Variants in SORCS3 observed in about 807,000 individuals in gnomAD.
SORCS3 encodes VPS10 domain-containing receptor SorCS3.
A neutral mutation model predicts 146.3 loss-of-function variants in SORCS3; 57 were observed. The ratio of observed to expected loss-of-function variants is 0.39; its 90% CI spans 0.31 to 0.49. The LOEUF is 0.49. SORCS3 is among the 20% of genes least tolerant of loss of function. The pLI is 0.92. For synonymous variants in SORCS3, 653 were observed against 618.5 expected, an observed-to-expected ratio of 1.06 and a Z score of -0.83; for missense variants, 1,341 against 1,575.5, an observed-to-expected ratio of 0.85 and a Z score of 2.52.
chr10:105,187,118 G>A (rs1234978867), intron 14 of SORCS3, among the ~76,000 whole-genome samples: 4 of 152,022 alleles, frequency 2.6e-5, no homozygotes, highest in Non-Finnish European at 4.4e-5. Context: ...TTTGGACTAG[G>A]ATGATTTATT....
chr10:105,128,217 C>A (rs11192329), intron 7 of SORCS3, among the ~76,000 whole-genome samples: 77,353 of 151,910 alleles, frequency 0.51, 19,977 homozygotes, highest in Admixed American at 0.55. Context: ...GAGGCATGAC[C>A]CGGAGAGCAT....
At chr10:104,991,533 GCT>G (rs1489144592) in intron 4 of SORCS3, among the ~76,000 whole-genome samples, 2 of 131,892 alleles carry the variant, frequency 1.5e-5, no homozygotes, top group Non-Finnish European at 3.1e-5. Flanking sequence ...ACAGAGTCTT[GCT>G]CTGTTGCCCA....
At chr10:105,199,039 T>C (rs2056559376) in intron 14 of SORCS3, among the ~76,000 whole-genome samples, 1 of 152,078 alleles carries the variant, frequency 6.6e-6, no homozygotes, top group Non-Finnish European at 1.5e-5. Context: ...GTATCTGAAC[T>C]TGGGCAGAGG....
At chr10:105,204,579 G>A (rs542071809) in intron 16 of SORCS3, among the ~76,000 whole-genome samples, 2 of 151,912 alleles carry the variant, frequency 1.3e-5, no homozygotes, top group Non-Finnish European at 2.9e-5. Context: ...TGTGGTGTAT[G>A]TTTGCATTTT....
chr10:105,252,161 C>A (rs964562727), intron 22 of SORCS3, among the ~76,000 whole-genome samples: 2 of 152,068 alleles, frequency 1.3e-5, no homozygotes, highest in African/African-American at 4.8e-5. Context: ...ACAAACTCAC[C>A]AAGTTACAGT....
intron 1 of SORCS3, among the ~76,000 whole-genome samples, chr10:104,792,219 A>C (rs2017503188): frequency 6.6e-6 from 1 of 152,122 alleles, no homozygotes; most frequent in Non-Finnish European, 1.5e-5. Context: ...AGGGCCTGGG[A>C]AAGACAGTTA....
intron 1 of SORCS3, among the ~76,000 whole-genome samples, chr10:104,733,012 G>A (rs200597615): frequency 1.4e-4 from 21 of 152,300 alleles, no homozygotes; most frequent in Non-Finnish European, 2.8e-4. Flanking sequence ...GGGGCAATCA[G>A]CTTACAGTAC....
At chr10:104,987,987 T>C (rs576626502) in intron 4 of SORCS3, among the ~76,000 whole-genome samples, 49 of 152,324 alleles carry the variant, frequency 3.2e-4, no homozygotes, top group Middle Eastern at 3.4e-3. Flanking sequence ...GAAATAGAGA[T>C]ACATGTCCTG....
intron 2 of SORCS3, among the ~76,000 whole-genome samples, chr10:104,890,151 T>C (rs1279007896): frequency 6.6e-6 from 1 of 152,178 alleles, no homozygotes; most frequent in Admixed American, 6.5e-5. Context: ...GTTTTATTCA[T>C]GATTCTTGTG....
intron 1 of SORCS3, among the ~76,000 whole-genome samples, chr10:104,797,431 G>C (rs1282972289): frequency 6.6e-6 from 1 of 151,950 alleles, no homozygotes; most frequent in Non-Finnish European, 1.5e-5. Flanking sequence ...AAGCCAAGCT[G>C]TTTGCTCAGC....
chr10:105,147,572 A>G (rs752209114), intron 8 of SORCS3, 45 bp from the exon 9 acceptor site: 1 of 1,535,964 alleles, frequency 6.5e-7, no homozygotes, highest in Non-Finnish European at 8.9e-7. Flanking sequence ...ATGGGCAGAG[A>G]GATATGGAGA....
intron 13 of SORCS3, among the ~76,000 whole-genome samples, chr10:105,168,127 G>T (rs1017172769): frequency 1.3e-5 from 2 of 152,224 alleles, no homozygotes; most frequent in African/African-American, 4.8e-5. Flanking sequence ...ATTTTTGTCA[G>T]AGTAGAATTG....
At chr10:105,112,499 A>G (rs933216451) in intron 7 of SORCS3, among the ~76,000 whole-genome samples, 1 of 152,178 alleles carries the variant, frequency 6.6e-6, no homozygotes, top group Non-Finnish European at 1.5e-5. Flanking sequence ...CCACAGACCA[A>G]CAGAGTAGCT....
chr10:105,025,707 G>A (rs180949467), intron 4 of SORCS3, among the ~76,000 whole-genome samples: 72 of 152,014 alleles, frequency 4.7e-4, no homozygotes, highest in African/African-American at 1.6e-3. Context: ...ATAGACTTCA[G>A]GTTCCTCCAG....
At chr10:105,119,703 A>T (rs1187612722) in intron 7 of SORCS3, among the ~76,000 whole-genome samples, 1 of 152,144 alleles carries the variant, frequency 6.6e-6, no homozygotes, top group Non-Finnish European at 1.5e-5. Flanking sequence ...TGGCTGCCCT[A>T]TTGGATTTCG....
At chr10:104,798,125 C>T (rs549783298) in intron 1 of SORCS3, among the ~76,000 whole-genome samples, 14 of 152,304 alleles carry the variant, frequency 9.2e-5, no homozygotes, top group African/African-American at 3.1e-4. Flanking sequence ...GTAGCTGGAG[C>T]AGGTCCTGAG....
chr10:104,849,760 C>G (rs1442791562), intron 2 of SORCS3, among the ~76,000 whole-genome samples: 1 of 152,192 alleles, frequency 6.6e-6, no homozygotes, highest in Non-Finnish European at 1.5e-5. Context: ...TGTTCATACC[C>G]TGTTAGCTCA....
chr10:105,236,743 A>G lies in SORCS3; in HGVS notation c.2869-8799A>G, dbSNP rs117514179. 4.0e-3 allele frequency among the ~76,000 whole-genome samples: 612 copies of G among 152,286 alleles called. 2 individuals are homozygous for G. Among genetic ancestry groups the G allele is most frequent in the Non-Finnish European group, 7.0e-3 (477 of 68,018 alleles). ...CTAAAAACAAATAAATGAACAAAGC[A>G]ATTGGGGATTCTAGTTTATACTTCT... On this transcript the variant is annotated intron_variant, in intron 20 of 26. Transcript: ENST00000369701.
chr10:104,781,793 A>G (rs1446278790), intron 1 of SORCS3, among the ~76,000 whole-genome samples: 3 of 152,164 alleles, frequency 2.0e-5, no homozygotes, highest in Non-Finnish European at 4.4e-5. Flanking sequence ...ATCAGGCCTG[A>G]TTTGGGTATT....
Sources: gnomAD v4.1 joint callset for allele counts (sites outside exome capture counted in the v4.1 genomes callset) on GRCh38, gnomAD v4.1.1 for gene constraint, MANE v1.5 for transcripts, NCBI Gene and HGNC (gene_info 2026-07-23, HGNC 2026-07-21) for gene names.